The following TBCK variants were observed in gnomAD, a reference collection of about 807,000 sequenced individuals.
TBCK encodes the protein TBC domain-containing protein kinase-like protein.
TBCK carries 99 observed loss-of-function variants against 113.4 expected under a neutral mutation model. The ratio of observed to expected loss-of-function variants is 0.87; its 90% CI spans 0.74 to 1.03. The LOEUF is 1.03. TBCK is among the 50% of genes least tolerant of loss of function. TBCK has a pLI of 0.00. For missense variants in TBCK, 1,045 were observed against 1,061.3 expected (o/e 0.98, Z 0.21); for synonymous variants, 369 against 370.8 (o/e 1.00, Z 0.05).
intron 5 of TBCK, among the ~76,000 whole-genome samples, chr4:106,259,067 G>A (rs978301212): frequency 4.6e-5 from 7 of 151,766 alleles, no homozygotes; most frequent in African/African-American, 1.7e-4. Flanking sequence ...AGGACAGAAA[G>A]CTATCTTATT....
At chr4:106,276,143 G>A (rs1460140970) in intron 3 of TBCK, among the ~76,000 whole-genome samples, 1 of 151,956 alleles carries the variant, frequency 6.6e-6, no homozygotes, top group Non-Finnish European at 1.5e-5. Context: ...TTTCAATAAT[G>A]GCACCAAAGG....
rs775175821 is a variant in TBCK, at chr4:106,212,853, G to C, written c.1775-18C>G. The C allele has an allele frequency of 1.4e-5, 21 of 1,538,162 alleles. No individual in the cohort carries two copies. Among genetic ancestry groups the C allele is most frequent in the Non-Finnish European group, 1.9e-5 (21 of 1,113,406 alleles). ...CAGATACTCTGAAATTACAAAGTTT[G>C]AGACAATCATCATTTTTACACAGTA... On this transcript the variant is annotated intron_variant, in intron 19 of 25. Transcript: ENST00000394708.
chr4:106,071,548 G>T (rs1415585066), intron 25 of TBCK, among the ~76,000 whole-genome samples: 1 of 152,228 alleles, frequency 6.6e-6, no homozygotes, highest in Non-Finnish European at 1.5e-5. Flanking sequence ...TAAAGGCAAT[G>T]TGGTGCCAAG....
At chr4:106,105,086 T>C (rs1399937777) in intron 24 of TBCK, among the ~76,000 whole-genome samples, 1 of 152,212 alleles carries the variant, frequency 6.6e-6, no homozygotes. Context: ...GTCTCTGCAG[T>C]GGAACTGCCC....
At chr4:106,182,585 T>C (rs565771217) in intron 22 of TBCK, 4 of 152,176 alleles carry the variant, frequency 2.6e-5, no homozygotes, top group African/African-American at 9.6e-5. Flanking sequence ...TGAAAGGCTG[T>C]TGAATTTTGT....
rs1236728593 is a variant in TBCK, at chr4:106,045,168, C to A, written c.*1402G>T. 1 of 151,578 alleles carries A rather than the reference C, an allele frequency of 6.6e-6. No homozygotes were observed. The highest frequency in any genetic ancestry group is 2.4e-5 in the African/African-American group (1 of 41,216). The allele number at this position is 151,578 out of a possible 1,614,324, so 9.4% of individuals were successfully genotyped here. A position where few individuals can be genotyped will look rare whatever the true frequency, so the allele number is the denominator to read the frequency against. On this transcript the variant is annotated 3_prime_UTR_variant, in exon 26 of 26. Transcript: ENST00000394708. Reference sequence around the variant, plus strand: ...CTGCCTCTCAGGTTCAAGTGATTCTCCTGCCTCAGCCTCCTGAGTAGCTGG... The same window carrying A: ...CTGCCTCTCAGGTTCAAGTGATTCTACTGCCTCAGCCTCCTGAGTAGCTGG...
chr4:106,119,535 T>A (rs1336798606), intron 23 of TBCK, among the ~76,000 whole-genome samples: 1 of 152,166 alleles, frequency 6.6e-6, no homozygotes, highest in Admixed American at 6.5e-5. Context: ...AAGACTTGAA[T>A]ATAAGACCTG....
chr4:106,161,509 G>T (rs1749786601), intron 23 of TBCK, among the ~76,000 whole-genome samples: 1 of 152,114 alleles, frequency 6.6e-6, no homozygotes, highest in South Asian at 2.1e-4. Context: ...AGGGCAGAAA[G>T]AAAGAAGTAA....
intron 21 of TBCK, among the ~76,000 whole-genome samples, chr4:106,194,289 T>C (rs1223541279): frequency 6.6e-6 from 1 of 152,090 alleles, no homozygotes; most frequent in Non-Finnish European, 1.5e-5. Context: ...AGTAAGGATG[T>C]CCACTTTATT....
At chr4:106,047,484 G>A (rs1011790176) in intron 25 of TBCK, among the ~76,000 whole-genome samples, 2 of 152,010 alleles carry the variant, frequency 1.3e-5, no homozygotes, top group African/African-American at 2.4e-5. Context: ...CCTCTTTAGC[G>A]CCTCCTCAAT....
chr4:106,180,369 A>C (rs563036238), intron 22 of TBCK, among the ~76,000 whole-genome samples: 2 of 151,582 alleles, frequency 1.3e-5, no homozygotes, highest in South Asian at 4.2e-4. Context: ...GATTTTCTCT[A>C]GTAGTATGTT....
chr4:106,129,445 G>A (rs1745617620), intron 23 of TBCK, among the ~76,000 whole-genome samples: 1 of 152,244 alleles, frequency 6.6e-6, no homozygotes, highest in South Asian at 2.1e-4. Context: ...ACAGCTAGAT[G>A]AAGCACTTCT....
intron 25 of TBCK, among the ~76,000 whole-genome samples, chr4:106,053,882 A>G (rs539230589): frequency 4.0e-5 from 6 of 151,660 alleles, no homozygotes; most frequent in African/African-American, 1.2e-4. Flanking sequence ...TTCTTTACCA[A>G]TGTATCCTGT....
intron 22 of TBCK, among the ~76,000 whole-genome samples, chr4:106,177,290 G>A (rs1000717387): frequency 6.6e-6 from 1 of 151,852 alleles, no homozygotes; most frequent in Non-Finnish European, 1.5e-5. Flanking sequence ...TCTGTAGGTT[G>A]TTTCTTCACT....
chr4:106,231,860 T>C (rs913421721), intron 17 of TBCK, 81 bp from the exon 18 acceptor site: 6 of 1,208,958 alleles, frequency 5.0e-6, no homozygotes, highest in East Asian at 2.4e-5. Flanking sequence ...TTCAATTCTT[T>C]GCATTACCTC....
At chr4:106,132,724 CA>C (rs1350836006) in intron 23 of TBCK, among the ~76,000 whole-genome samples, 1 of 152,208 alleles carries the variant, frequency 6.6e-6, no homozygotes, top group East Asian at 1.9e-4. Flanking sequence ...GCCAGAGGGG[CA>C]GAGCTGCCCA....
rs1240939455 is a variant in TBCK at position 106,043,135 on chromosome 4, TC to T, written c.*3434del. 1 of 152,190 alleles carries T rather than the reference TC, an allele frequency of 6.6e-6. No individual in the cohort carries two copies. Among genetic ancestry groups the T allele is most frequent in the Non-Finnish European group, 1.5e-5 (1 of 68,026 alleles). The allele number at this position is 152,190 out of a possible 1,614,324, so 9.4% of individuals were successfully genotyped here. ...TTTCAGGTCCTTTTCATTTCTGACA[TC>T]AAAAAACTTCTTTCTTTCAAACTTG... On this transcript the variant is annotated 3_prime_UTR_variant, in exon 26 of 26. Transcript: ENST00000394708.
At chr4:106,211,128 C>A (rs531440276) in intron 20 of TBCK, among the ~76,000 whole-genome samples, 6 of 152,198 alleles carry the variant, frequency 3.9e-5, no homozygotes, top group African/African-American at 1.4e-4. Context: ...CAGTGCTGAG[C>A]ACAATTTAAT....
intron 11 of TBCK, 147 bp from the exon 12 acceptor site, chr4:106,242,716 AATTATT>A: frequency 6.1e-6 from 3 of 494,730 alleles, no homozygotes; most frequent in Non-Finnish European, 1.0e-5. Flanking sequence ...ATGTTTTTTT[AATTATT>A]ATTATTATAC....
Sources: allele counts gnomAD v4.1 joint callset (sites outside exome capture counted in the v4.1 genomes callset), GRCh38; gene constraint gnomAD v4.1.1; transcripts MANE v1.5; gene names NCBI Gene and HGNC (gene_info 2026-07-23, HGNC 2026-07-21).